The following DMD variants were observed in gnomAD, a reference collection of about 807,000 sequenced individuals.
The protein encoded by DMD is mutant dystrophin.
DMD carries 63 observed loss-of-function variants against 330.1 expected under a neutral mutation model. That is an observed-to-expected ratio of 0.19 (90% confidence interval 0.16 to 0.24). DMD has a LOEUF of 0.24. Among genes scored for constraint, DMD ranks in the 10% least tolerant of loss-of-function variants. DMD has a pLI of 1.00. For synonymous variants in DMD, 1,223 were observed against 959.8 expected, an observed-to-expected ratio of 1.27 and a Z score of -5.07; for missense variants, 3,344 against 2,684.1, an observed-to-expected ratio of 1.25 and a Z score of -5.43.
chrX:32,914,571 G>A (rs897333933), intron 2 of DMD, among the ~76,000 whole-genome samples: 1 of 112,315 alleles, frequency 8.9e-6, no homozygotes, highest in African/African-American at 3.2e-5. Context: ...CAAAAACAGA[G>A]AGGCATTTGC....
At chrX:31,240,432 CCT>C (rs749731000) in intron 63 of DMD, among the ~76,000 whole-genome samples, 142 of 111,441 alleles carry the variant, frequency 1.3e-3, no homozygotes, top group African/African-American at 3.8e-3. Context: ...TCAATACTAT[CCT>C]CTTACAATGT....
At chrX:31,982,803 C>A (rs376696245) in intron 44 of DMD, among the ~76,000 whole-genome samples, 3 of 108,235 alleles carry the variant, frequency 2.8e-5, no homozygotes, top group East Asian at 6.0e-4. Context: ...GTATCAGCAC[C>A]TGTAGACATA....
At position 31,370,098 on chromosome X, in the gene DMD, C is replaced by CAAAAAAAAAAAA. The variant is rs59989996; in HGVS notation, c.9085-21476_9085-21465dup. 7.3e-3 allele frequency among the ~76,000 whole-genome samples: 434 copies of CAAAAAAAAAAAA among 59,240 alleles called. 17 individuals carry two copies. Among genetic ancestry groups the CAAAAAAAAAAAA allele is most frequent in the African/African-American group, 0.032 (405 of 12,635 alleles). The allele number at this position is 59,240 out of a possible 115,157, so 51.4% of individuals were successfully genotyped here. On this transcript the variant is annotated intron_variant, in intron 60 of 78. Coordinates refer to ENST00000357033, the MANE Select transcript of DMD (RefSeq NM_004006.3). ...TGGGCGACAGAGCGAGGCTCCGTCT[C>CAAAAAAAAAAAA]AAAAAAAAAAAAAAAAAAGAACAGG...
intron 41 of DMD, among the ~76,000 whole-genome samples, chrX:32,337,117 G>A (rs1569558610): frequency 9.0e-6 from 1 of 111,486 alleles, no homozygotes; most frequent in Admixed American, 9.6e-5. Context: ...TAATAATCTT[G>A]TAGATTAGCA....
chrX:32,838,271 T>C (rs1227815292), intron 4 of DMD, among the ~76,000 whole-genome samples: 1 of 111,520 alleles, frequency 9.0e-6, no homozygotes, highest in Admixed American at 9.6e-5. Flanking sequence ...TATTTTTTAT[T>C]ATTCTTTAAG....
At chrX:31,893,457 G>A (rs915009992) in intron 47 of DMD, among the ~76,000 whole-genome samples, 2 of 111,108 alleles carry the variant, frequency 1.8e-5, no homozygotes, top group African/African-American at 6.6e-5. Context: ...CTACATTTTT[G>A]GCCCCCAGGC....
intron 1 of DMD, among the ~76,000 whole-genome samples, chrX:33,290,845 T>C (rs1220361119): frequency 9.0e-6 from 1 of 111,421 alleles, no homozygotes; most frequent in Non-Finnish European, 1.9e-5. Context: ...AAAAAGAAAA[T>C]GCATCTTCAT....
intron 55 of DMD, among the ~76,000 whole-genome samples, chrX:31,600,055 C>T (rs1235938647): frequency 9.0e-6 from 1 of 111,173 alleles, no homozygotes; most frequent in Non-Finnish European, 1.9e-5. Context: ...CTCAGGCTCC[C>T]GAGTAGCTGG....
At chrX:31,708,786 A>G (rs1041772200) in intron 52 of DMD, among the ~76,000 whole-genome samples, 21 of 112,239 alleles carry the variant, frequency 1.9e-4, no homozygotes, top group Non-Finnish European at 3.6e-4. Context: ...CTTAAATGAT[A>G]GACACTAAAG....
intron 1 of DMD, among the ~76,000 whole-genome samples, chrX:33,162,499 A>G (rs2048816530): frequency 9.0e-6 from 1 of 111,718 alleles, no homozygotes. Flanking sequence ...GATAAAAGTG[A>G]ATAGATGTGT....
chrX:32,472,018 A>T, intron 22 of DMD, 146 bp downstream of exon 22: 2 of 667,211 alleles, frequency 3.0e-6, no homozygotes, highest in Non-Finnish European at 4.6e-6. Flanking sequence ...CATAAATAAT[A>T]CTGTAAAGTC....
intron 9 of DMD, among the ~76,000 whole-genome samples, chrX:32,681,806 A>T (rs756790554): frequency 8.9e-6 from 1 of 112,269 alleles, no homozygotes; most frequent in Non-Finnish European, 1.9e-5. Context: ...CAATGAGGAA[A>T]AAAATTAAAG....
intron 55 of DMD, among the ~76,000 whole-genome samples, chrX:31,524,779 T>C (rs754027051): frequency 9.0e-6 from 1 of 111,543 alleles, no homozygotes; most frequent in Admixed American, 9.5e-5. Flanking sequence ...TGAAAGGATG[T>C]GCTTGCCCTG....
intron 7 of DMD, among the ~76,000 whole-genome samples, chrX:32,728,275 C>A (rs1167638053): frequency 8.9e-6 from 1 of 111,735 alleles, no homozygotes; most frequent in Non-Finnish European, 1.9e-5. Flanking sequence ...TTTTGTGAAG[C>A]AAGTCAGTAT....
chrX:32,521,870 G>A (rs1260923197), intron 17 of DMD, among the ~76,000 whole-genome samples: 1 of 111,768 alleles, frequency 8.9e-6, no homozygotes, highest in African/African-American at 3.3e-5. Flanking sequence ...GGGCATTTGG[G>A]AGGTAATTAG....
intron 5 of DMD, among the ~76,000 whole-genome samples, chrX:32,820,173 C>T (rs780257101): frequency 1.8e-5 from 2 of 112,628 alleles, no homozygotes; most frequent in African/African-American, 6.5e-5. Context: ...GGTGCGGTGG[C>T]TCACGCCTGT....
At chrX:33,272,027 G>A (rs1162800606) in intron 1 of DMD, among the ~76,000 whole-genome samples, 8 of 109,601 alleles carry the variant, frequency 7.3e-5, no homozygotes, top group East Asian at 3.0e-4. Context: ...GGGATTACAG[G>A]TGCCCACCAC....
intron 2 of DMD, among the ~76,000 whole-genome samples, chrX:32,984,531 A>T: frequency 8.9e-6 from 1 of 111,995 alleles, no homozygotes. Flanking sequence ...CTGGGATTGT[A>T]GGAGTGAGCC....
At chrX:32,390,738 C>T (rs144016045) in intron 30 of DMD, among the ~76,000 whole-genome samples, 1,808 of 110,571 alleles carry the variant, frequency 0.016, 41 homozygotes, top group African/African-American at 0.057. Flanking sequence ...CAGCCTGGTC[C>T]CAAACTCCTG....
Sources: gnomAD v4.1 joint callset for allele counts (sites outside exome capture counted in the v4.1 genomes callset) on GRCh38, gnomAD v4.1.1 for gene constraint, MANE v1.5 for transcripts, NCBI Gene and HGNC (gene_info 2026-07-23, HGNC 2026-07-21) for gene names.